The following RANBP2 variants were observed in gnomAD, a reference collection of about 807,000 sequenced individuals.
RANBP2 encodes E3 SUMO-protein ligase RanBP2.
RANBP2 carries 57 observed loss-of-function variants against 303.6 expected under a neutral mutation model. The observed-to-expected ratio is 0.19, with a 90% confidence interval of 0.15 to 0.23. The LOEUF (loss-of-function observed/expected upper bound fraction) is 0.23, where lower values mean the gene tolerates loss of function less well. Ranked by LOEUF, RANBP2 falls within the 10% of genes least tolerant of loss-of-function variation. RANBP2 has a pLI of 1.00. For synonymous variants in RANBP2, 1,167 were observed against 1,301.5 expected, an observed-to-expected ratio of 0.90 and a Z score of 2.23; for missense variants, 3,138 against 3,780.8, an observed-to-expected ratio of 0.83 and a Z score of 4.46.
At chr2:109,677,416 C>T in the RANBP2 span, among the ~76,000 whole-genome samples, 5 of 152,258 alleles carry the variant, frequency 3.3e-5, no homozygotes, top group East Asian at 7.7e-4. Context: ...TGTCCCTATC[C>T]GTGACTTTTC....
chr2:109,580,014 G>A, the RANBP2 span, among the ~76,000 whole-genome samples: 6 of 151,602 alleles, frequency 4.0e-5, no homozygotes, highest in Admixed American at 1.3e-4. Flanking sequence ...CCAGCTACTC[G>A]GGAGGCTGAG....
the RANBP2 span, among the ~76,000 whole-genome samples, chr2:108,859,648 C>T: frequency 6.6e-6 from 1 of 151,942 alleles, no homozygotes; most frequent in Non-Finnish European, 1.5e-5. Flanking sequence ...CTATTCTGTT[C>T]CATTGGTCTG....
chr2:108,915,530 T>C, the RANBP2 span, among the ~76,000 whole-genome samples: 6 of 152,238 alleles, frequency 3.9e-5, no homozygotes, highest in African/African-American at 1.4e-4. Flanking sequence ...TTTTTCCTCG[T>C]GGGCCTCAAA....
intron 1 of RANBP2, 75 bp from the exon 2 acceptor site, chr2:108,729,057 G>A (rs1694963750): frequency 6.0e-6 from 9 of 1,488,964 alleles, no homozygotes; most frequent in Non-Finnish European, 7.3e-6. Flanking sequence ...ACTTAGGACA[G>A]ATTTTTACTA....
chr2:109,105,854 CTTT>C, the RANBP2 span, among the ~76,000 whole-genome samples: 6 of 124,930 alleles, frequency 4.8e-5, no homozygotes, highest in Non-Finnish European at 8.4e-5. Flanking sequence ...CGCGCCTGGT[CTTT>C]TTTTTTTTTT....
chr2:109,517,861 A>G, the RANBP2 span, among the ~76,000 whole-genome samples: 3 of 152,242 alleles, frequency 2.0e-5, no homozygotes, highest in Non-Finnish European at 2.9e-5. Flanking sequence ...GGAAGCCTAG[A>G]TAACGACGCC....
chr2:108,936,605 C>T, the RANBP2 span, among the ~76,000 whole-genome samples: 43 of 152,276 alleles, frequency 2.8e-4, no homozygotes, highest in African/African-American at 8.9e-4. Context: ...AGTACTCCCC[C>T]GCCTCCCTGA....
chr2:109,522,842 G>A, the RANBP2 span, among the ~76,000 whole-genome samples: 1 of 152,234 alleles, frequency 6.6e-6, no homozygotes, highest in Admixed American at 6.5e-5. Context: ...CAGGGTGGAA[G>A]CACGTGGCAG....
chr2:109,761,013 A>G, the RANBP2 span, among the ~76,000 whole-genome samples: 7 of 135,612 alleles, frequency 5.2e-5, no homozygotes, highest in Non-Finnish European at 7.9e-5. Flanking sequence ...CAGCCCAGGG[A>G]CTGGTGATCT....
chr2:109,345,371 C>T, the RANBP2 span, among the ~76,000 whole-genome samples: 1 of 152,116 alleles, frequency 6.6e-6, no homozygotes, highest in Admixed American at 6.6e-5. Context: ...GAGCCGGCCG[C>T]AGAAGGGAGT....
the RANBP2 span, among the ~76,000 whole-genome samples, chr2:109,430,987 A>G: frequency 6.6e-6 from 1 of 152,208 alleles, no homozygotes; most frequent in Non-Finnish European, 1.5e-5. Flanking sequence ...TAGGATTAGG[A>G]TGTTCGAAAA....
At chr2:109,045,691 C>T in the RANBP2 span, among the ~76,000 whole-genome samples, 2 of 152,216 alleles carry the variant, frequency 1.3e-5, no homozygotes, top group African/African-American at 2.4e-5. Context: ...TGCCACTTCC[C>T]GGGACTGGGG....
chr2:109,412,695 G>T, the RANBP2 span, among the ~76,000 whole-genome samples: 1 of 152,214 alleles, frequency 6.6e-6, no homozygotes, highest in Non-Finnish European at 1.5e-5. Flanking sequence ...TGTTAACTCT[G>T]TTATTCTTCT....
intron 18 of RANBP2, among the ~76,000 whole-genome samples, chr2:108,761,277 A>T (rs1293650799): frequency 2.0e-5 from 3 of 150,550 alleles, no homozygotes; most frequent in Non-Finnish European, 4.4e-5. Flanking sequence ...AGGTTTCCAA[A>T]ATCAAACTTG....
the RANBP2 span, among the ~76,000 whole-genome samples, chr2:108,878,827 A>T: frequency 6.6e-6 from 1 of 152,200 alleles, no homozygotes; most frequent in South Asian, 2.1e-4. Context: ...GAAAGAGTTG[A>T]AGTGTTAATT....
chr2:109,196,242 C>T, the RANBP2 span, among the ~76,000 whole-genome samples: 8 of 152,274 alleles, frequency 5.3e-5, no homozygotes, highest in South Asian at 1.7e-3. Flanking sequence ...CAGAGACTGC[C>T]CACCCTCCTG....
Position 108,753,115 on chromosome 2 carries a change from C to T in RANBP2, c.1873C>T (p.Pro625Ser). Reference protein sequence around the residue: ...IIKKKNSIPEPIDPLFKHFHS... With the variant: ...IIKKKNSIPESIDPLFKHFHS... ...AAAAAAGAAGAACAGTATTCCTGAACCTATTGATCCTCTGTTTAAACATTT... is the reference window on the plus strand; with the variant it reads ...AAAAAAGAAGAACAGTATTCCTGAATCTATTGATCCTCTGTTTAAACATTT... Residue 625 changes from proline to serine, a missense_variant, in exon 13 of 29, where the codon CCT (proline) becomes TCT (serine). Physicochemically the swap from Pro to Ser is moderately conservative, Grantham distance 74. Transcript: ENST00000283195. 2 of 1,609,502 alleles carry T rather than the reference C, an allele frequency of 1.2e-6. No individual in the cohort carries two copies. The highest frequency in any genetic ancestry group is 1.7e-6 in the Non-Finnish European group (2 of 1,179,184).
At chr2:109,651,937 C>G in the RANBP2 span, among the ~76,000 whole-genome samples, 2 of 152,196 alleles carry the variant, frequency 1.3e-5, no homozygotes, top group Non-Finnish European at 2.9e-5. Context: ...TGCACATGTG[C>G]TCAGCAGTGC....
chr2:109,052,132 A>G, the RANBP2 span, among the ~76,000 whole-genome samples: 1 of 152,234 alleles, frequency 6.6e-6, no homozygotes, highest in Non-Finnish European at 1.5e-5. Context: ...TAAATAACAG[A>G]ATGAAAGAAG....
Sources: gnomAD v4.1 joint callset for allele counts (sites outside exome capture counted in the v4.1 genomes callset) on GRCh38, gnomAD v4.1.1 for gene constraint, MANE v1.5 for transcripts, NCBI Gene and HGNC (gene_info 2026-07-23, HGNC 2026-07-21) for gene names.